Variants in CYP2B6 observed in about 807,000 individuals in gnomAD.
The protein encoded by CYP2B6 is cytochrome P450 family 2 subfamily B member 6, also known as cytochrome P450 2B6.
A neutral mutation model predicts 43.4 loss-of-function variants in CYP2B6; 35 were observed. The ratio of observed to expected loss-of-function variants is 0.81; its 90% CI spans 0.62 to 1.07. The LOEUF is 1.07. Among genes scored for constraint, CYP2B6 ranks in the 50% least tolerant of loss-of-function variants. The pLI is 0.00. For synonymous variants in CYP2B6, 239 were observed against 239.2 expected (o/e 1.00, Z 0.01); for missense variants, 624 against 632.8 (o/e 0.99, Z 0.15).
At position 41,016,646 on chromosome 19, in the gene CYP2B6, G is replaced by A; in HGVS notation, c.1295G>A (p.Gly432Glu). 6.2e-7 allele frequency: 1 copy of A among 1,614,088 alleles called. No individual in the cohort carries two copies. The highest frequency in any genetic ancestry group is 8.5e-7 in the Non-Finnish European group (1 of 1,179,966). ...KTEAFIPFSL[G>E]KRICLGEGIA... Reference sequence around the variant, plus strand: ...CACTGGTGACCTTCTGTGTCCACAGGGAAGCGGATTTGTCTTGGTGAAGGC... The same window carrying A: ...CACTGGTGACCTTCTGTGTCCACAGAGAAGCGGATTTGTCTTGGTGAAGGC... The change falls in exon 9 of 9, where the codon GGG (glycine) becomes GAG (glutamate). Residue 432 changes from glycine (G) to glutamate (E), a missense_variant and splice_region_variant. Physicochemically the swap from Gly to Glu is moderately conservative, Grantham distance 98. Transcript: ENST00000324071.
chr19:40,992,298 C>A (rs1214028305), intron 1 of CYP2B6, among the ~76,000 whole-genome samples: 1 of 151,568 alleles, frequency 6.6e-6, no homozygotes, highest in Admixed American at 6.6e-5. Context: ...TTAAACAATT[C>A]TCCCCTTTTG....
In CYP2B6 at chr19:41,004,281, C is replaced by T. The variant is rs370503078; in HGVS notation, c.335-16C>T. 6.2e-7 allele frequency: 1 copy of T among 1,613,726 alleles called. No homozygotes were observed. The highest frequency in any genetic ancestry group is 1.3e-5 in the African/African-American group (1 of 74,806). ...AACTTCTTCTACAACCAACCCACACCTCCCCTGCACCCCAGGTGTGATCTT... is the reference window on the plus strand; with the variant it reads ...AACTTCTTCTACAACCAACCCACACTTCCCCTGCACCCCAGGTGTGATCTT... On this transcript the variant is annotated splice_polypyrimidine_tract_variant and intron_variant, in intron 2 of 8. Transcript: ENST00000324071.
intron 1 of CYP2B6, 144 bp downstream of exon 1, chr19:40,991,620 G>C: frequency 1.2e-6 from 1 of 846,804 alleles, no homozygotes; most frequent in South Asian, 1.3e-5. Flanking sequence ...GGTGAAGCAT[G>C]ATGGGTGGTA....
rs754094512 is a variant in CYP2B6 at position 41,009,990 on chromosome 19, G to A, written c.823-4G>A. 3.0e-5 allele frequency: 49 copies of A among 1,613,870 alleles called. No individual in the cohort carries two copies. The highest frequency in any genetic ancestry group is 6.7e-5 in the African/African-American group (5 of 74,872). ...CTCCCCTTCCTTCCCTACTGTGGAC[G>A]CAGGAGAAATCCAACGCACACAGTG... On this transcript the variant is annotated splice_polypyrimidine_tract_variant and splice_region_variant and intron_variant, in intron 5 of 8. Transcript: ENST00000324071.
At chr19:41,011,733 G>T (rs566809149) in intron 6 of CYP2B6, among the ~76,000 whole-genome samples, 1 of 151,534 alleles carries the variant, frequency 6.6e-6, no homozygotes, top group East Asian at 1.9e-4. Flanking sequence ...CAAAATCGTG[G>T]TGTGTGTGTG....
rs927696309 is a variant in CYP2B6, at chr19:41,017,058, T to A, written c.*231T>A. 3 of 363,986 alleles carry A rather than the reference T, an allele frequency of 8.2e-6. No individual in the cohort carries two copies. Among genetic ancestry groups the A allele is most frequent in the African/African-American group, 6.2e-5 (3 of 48,626 alleles). The allele number at this position is 363,986 out of a possible 1,614,324, so 22.5% of individuals were successfully genotyped here. ...CATATATATATATATGTTCTTGTTTTTTGAGACAGAGTCTCACACTGTTGC... is the reference window on the plus strand; with the variant it reads ...CATATATATATATATGTTCTTGTTTATTGAGACAGAGTCTCACACTGTTGC... On this transcript the variant is annotated 3_prime_UTR_variant, in exon 9 of 9. Coordinates refer to ENST00000324071, the MANE Select transcript of CYP2B6 (RefSeq NM_000767.5).
chr19:41,012,641 G>A (rs773779243), intron 7 of CYP2B6, 33 bp from the exon 8 acceptor site: 41 of 1,613,254 alleles, frequency 2.5e-5, no homozygotes, highest in Non-Finnish European at 3.4e-5. Context: ...GGAGGGAATG[G>A]CAATATCTTT....
intron 8 of CYP2B6, among the ~76,000 whole-genome samples, chr19:41,013,830 A>G (rs1315284716): frequency 1.1e-3 from 174 of 152,280 alleles, no homozygotes; most frequent in African/African-American, 4.0e-3. Flanking sequence ...AAAGGTTCAG[A>G]GAGCTCCATC....
chr19:40,994,752 A>G (rs370204833), intron 1 of CYP2B6, among the ~76,000 whole-genome samples: 2 of 152,108 alleles, frequency 1.3e-5, no homozygotes, highest in South Asian at 2.1e-4. Context: ...ATTCAGATAC[A>G]TTTCCTATAT....
chr19:41,016,604 C>T, intron 8 of CYP2B6, 42 bp from the exon 9 acceptor site: 1 of 1,606,764 alleles, frequency 6.2e-7, no homozygotes, highest in Non-Finnish European at 8.5e-7. Context: ...GAAGTGTATG[C>T]ACCTGCCCTG....
chr19:41,006,899 T>A lies in CYP2B6; in HGVS notation c.485-6T>A. On this transcript the variant is annotated splice_polypyrimidine_tract_variant and splice_region_variant and intron_variant, in intron 3 of 8. Coordinates refer to ENST00000324071, the MANE Select transcript of CYP2B6 (RefSeq NM_000767.5). Reference sequence around the variant, plus strand: ...TCTGTGTCCTTGACCTGCTGCTTCTTCCTAGGGGCCCTCATGGACCCCACC... The same window carrying A: ...TCTGTGTCCTTGACCTGCTGCTTCTACCTAGGGGCCCTCATGGACCCCACC... 1 of 1,613,100 alleles carries A rather than the reference T, an allele frequency of 6.2e-7. No homozygotes were observed.
At chr19:40,993,521 AACTC>A (rs1048040441) in intron 1 of CYP2B6, among the ~76,000 whole-genome samples, 2 of 152,112 alleles carry the variant, frequency 1.3e-5, no homozygotes, top group African/African-American at 4.8e-5. Context: ...ATCTTGTGAG[AACTC>A]ACTCACTATC....
intron 1 of CYP2B6, among the ~76,000 whole-genome samples, chr19:40,998,743 A>C (rs1969035855): frequency 7.7e-6 from 1 of 129,800 alleles, no homozygotes; most frequent in African/African-American, 2.9e-5. Flanking sequence ...GTCCCTACAA[A>C]GGACATGAAC....
chr19:41,010,503 T>C (rs898647865), intron 6 of CYP2B6, among the ~76,000 whole-genome samples: 3 of 151,816 alleles, frequency 2.0e-5, no homozygotes, highest in Non-Finnish European at 4.4e-5. Context: ...AAGCTTCACT[T>C]CCAGGGTTCA....
In CYP2B6 at chr19:40,995,724, G is replaced by A. The variant is rs143125733; in HGVS notation, c.171+4248G>A. ...CTATCTATGTCTTTCCAGTAGGAGTGGATCTGATTGCCATCAATCAATAAT... is the reference window on the plus strand; with the variant it reads ...CTATCTATGTCTTTCCAGTAGGAGTAGATCTGATTGCCATCAATCAATAAT... On this transcript the variant is annotated intron_variant, in intron 1 of 8. Transcript: ENST00000324071. Among the ~76,000 whole-genome samples the A allele has an allele frequency of 6.6e-3, 1,008 of 152,272 alleles. 14 individuals are homozygous for A. Among genetic ancestry groups the A allele is most frequent in the African/African-American group, 0.022 (906 of 41,514 alleles).
At chr19:41,001,103 G>A in intron 1 of CYP2B6, among the ~76,000 whole-genome samples, 1 of 152,150 alleles carries the variant, frequency 6.6e-6, no homozygotes, top group Middle Eastern at 3.4e-3. Context: ...TCAGCCTGGG[G>A]AAAGCATTTG....
At chr19:41,015,150 G>A (rs1294834241) in intron 8 of CYP2B6, among the ~76,000 whole-genome samples, 1 of 152,314 alleles carries the variant, frequency 6.6e-6, no homozygotes, top group African/African-American at 2.4e-5. Context: ...GAGTAGGGCT[G>A]CCAGGGGCAG....
chr19:41,012,543 C>A (rs1969301771), intron 7 of CYP2B6, 58 bp downstream of exon 7: 1 of 1,610,492 alleles, frequency 6.2e-7, no homozygotes, highest in Non-Finnish European at 8.5e-7. Context: ...TTCTCTTAAT[C>A]CCCGAACTCA....
At position 41,018,370 on chromosome 19, in the gene CYP2B6, A is replaced by T. The variant is rs1483260725; in HGVS notation, c.*1543A>T. On this transcript the variant is annotated 3_prime_UTR_variant, in exon 9 of 9. Transcript: ENST00000324071. ...CAAATCTGCTGAGAATTAAATAAACATCTCTAAAGCCTGACCTCCCCACGT... is the reference window on the plus strand; with the variant it reads ...CAAATCTGCTGAGAATTAAATAAACTTCTCTAAAGCCTGACCTCCCCACGT... The T allele has an allele frequency of 6.6e-6, 1 of 152,168 alleles. No individual in the cohort carries two copies. Among genetic ancestry groups the T allele is most frequent in the Non-Finnish European group, 1.5e-5 (1 of 68,034 alleles). 9.4% of individuals were successfully genotyped at this position (152,168 alleles called of 1,614,324 possible).
Sources: gnomAD v4.1 joint callset for allele counts (sites outside exome capture counted in the v4.1 genomes callset) on GRCh38, gnomAD v4.1.1 for gene constraint, MANE v1.5 for transcripts, NCBI Gene and HGNC (gene_info 2026-07-23, HGNC 2026-07-21) for gene names.